The following AGR3 variants were observed in gnomAD, a reference collection of about 807,000 sequenced individuals.
AGR3 encodes anterior gradient protein 3.
A neutral mutation model predicts 24.5 loss-of-function variants in AGR3; 37 were observed. The ratio of observed to expected loss-of-function variants is 1.51; its 90% CI spans 1.16 to 1.99. The LOEUF is 1.99. Ranked by LOEUF, AGR3 falls within the 30% of genes most tolerant of loss-of-function variation. The probability of loss-of-function intolerance (pLI) is 0.00; values close to 1 mark genes in which losing one functional copy is unlikely to be tolerated. For missense variants in AGR3, 228 were observed against 191.1 expected (o/e 1.19, Z -1.14); for synonymous variants, 75 against 61.6 (o/e 1.22, Z -1.02).
chr7:16,859,387 C>T, downstream of AGR3: 1 of 493,488 alleles, frequency 2.0e-6, no homozygotes, highest in East Asian at 3.8e-5. Context: ...ACTGATGAGG[C>T]AGAAATAAAA....
intron 3 of AGR3, chr7:16,865,844 C>A (rs998807064): frequency 1.4e-6 from 1 of 740,344 alleles, no homozygotes; most frequent in Non-Finnish European, 2.5e-6. Context: ...TACTTGAATA[C>A]CATTCTCCTT....
intron 7 of AGR3, 143 bp from the exon 8 acceptor site, chr7:16,859,774 C>T: frequency 3.7e-6 from 2 of 536,666 alleles, no homozygotes; most frequent in South Asian, 5.6e-5. Context: ...AAAGAATATG[C>T]TAAAAGTGTA....
intron 1 of AGR3, among the ~76,000 whole-genome samples, chr7:16,879,190 T>C (rs1342877722): frequency 6.6e-6 from 1 of 152,254 alleles, no homozygotes; most frequent in Non-Finnish European, 1.5e-5. Context: ...TTTCTTACCT[T>C]TCTCATCCTT....
At chr7:16,867,829 T>G (rs757969574) in intron 3 of AGR3, among the ~76,000 whole-genome samples, 2 of 152,154 alleles carry the variant, frequency 1.3e-5, no homozygotes, top group Non-Finnish European at 2.9e-5. Context: ...AACATGGGAG[T>G]GCAGATATCT....
intron 1 of AGR3, among the ~76,000 whole-genome samples, chr7:16,880,108 T>TTCTTTCC (rs1562553551): frequency 2.4e-4 from 33 of 135,752 alleles, no homozygotes; most frequent in Non-Finnish European, 4.0e-4. Flanking sequence ...TCCTTCCTTC[T>TTCTTTCC]TTCCTTCCTT....
intron 2 of AGR3, among the ~76,000 whole-genome samples, chr7:16,878,125 T>A (rs1782025951): frequency 6.6e-6 from 1 of 151,858 alleles, no homozygotes; most frequent in Admixed American, 6.6e-5. Context: ...AATTTTTTTT[T>A]TTTTGGAGGA....
intron 3 of AGR3, among the ~76,000 whole-genome samples, chr7:16,868,156 G>T (rs1781796291): frequency 7.1e-6 from 1 of 140,934 alleles, no homozygotes; most frequent in Non-Finnish European, 1.6e-5. Context: ...TTGGCCCTTT[G>T]TATGTCTTTT....
At chr7:16,857,865 A>G (rs552397062), downstream of AGR3, among the ~76,000 whole-genome samples, 17 of 152,300 alleles carry the variant, frequency 1.1e-4, no homozygotes, top group African/African-American at 3.6e-4. Flanking sequence ...ACAGGTGTCT[A>G]TATCATAGAC....
intron 3 of AGR3, among the ~76,000 whole-genome samples, chr7:16,870,370 C>T (rs991707311): frequency 6.6e-6 from 1 of 151,454 alleles, no homozygotes; most frequent in African/African-American, 2.4e-5. Flanking sequence ...CTTTTCCTTT[C>T]TACATTTTCT....
chr7:16,866,183 C>G (rs999978871), intron 3 of AGR3: 1 of 529,190 alleles, frequency 1.9e-6, no homozygotes, highest in Non-Finnish European at 3.8e-6. Context: ...TTGAGTTATT[C>G]ACACCTAATG....
chr7:16,871,641 G>A (rs1422523160), intron 3 of AGR3, among the ~76,000 whole-genome samples: 73 of 152,230 alleles, frequency 4.8e-4, no homozygotes, highest in Non-Finnish European at 1.2e-4. Flanking sequence ...TCAAGAGTTC[G>A]AGACCAGCCT....
chr7:16,881,491 A>C (rs1234912001), intron 1 of AGR3, among the ~76,000 whole-genome samples: 1 of 152,218 alleles, frequency 6.6e-6, no homozygotes, highest in Non-Finnish European at 1.5e-5. Flanking sequence ...GCATGGTTAC[A>C]GGCCTACAGC....
intron 3 of AGR3, among the ~76,000 whole-genome samples, chr7:16,863,768 C>T (rs1228426698): frequency 6.6e-6 from 1 of 151,752 alleles, no homozygotes; most frequent in Admixed American, 6.6e-5. Context: ...ATTAGTCTCC[C>T]CAAAGATGGA....
intron 1 of AGR3, among the ~76,000 whole-genome samples, chr7:16,881,658 C>G (rs922800222): frequency 5.9e-5 from 9 of 152,010 alleles, no homozygotes; most frequent in African/African-American, 2.2e-4. Flanking sequence ...TAAAATAAAA[C>G]AAGACTTAAA....
chr7:16,873,700 C>G (rs1781927859), intron 3 of AGR3, 80 bp downstream of exon 3: 7 of 1,105,092 alleles, frequency 6.3e-6, no homozygotes, highest in African/African-American at 6.3e-5. Context: ...CAGCATATCA[C>G]TCTATATTCC....
intron 7 of AGR3, 59 bp from the exon 8 acceptor site, chr7:16,859,690 T>G (rs1781604418): frequency 3.6e-6 from 4 of 1,118,140 alleles, no homozygotes; most frequent in Non-Finnish European, 5.0e-6. Context: ...AATGCTATGA[T>G]CTATTAACTC....
intron 2 of AGR3, among the ~76,000 whole-genome samples, chr7:16,878,209 G>A (rs1042557460): frequency 5.9e-5 from 9 of 151,754 alleles, no homozygotes; most frequent in Non-Finnish European, 7.4e-5. Flanking sequence ...CCAATATGAC[G>A]CAGCAATCAA....
chr7:16,864,809 C>T lies in AGR3; in HGVS notation c.174-2147G>A, dbSNP rs1047217106. 7.6e-6 allele frequency: 7 copies of T among 915,130 alleles called. No homozygotes were observed. The Admixed American group carries it at 8.5e-5, about 11-fold the overall frequency. The allele number at this position is 915,130 out of a possible 1,614,324, so 56.7% of individuals were successfully genotyped here. A position where few individuals can be genotyped will look rare whatever the true frequency, so the allele number is the denominator to read the frequency against. ...CCGGCTTTGTTGGAATGTATCACAC[C>T]TCTTGTAGCTATAGATGTCCTATAT... On this transcript the variant is annotated intron_variant, in intron 3 of 7. Transcript: ENST00000310398.
chr7:16,878,449 C>T (rs1201176092), intron 2 of AGR3, 61 bp downstream of exon 2: 2 of 1,427,224 alleles, frequency 1.4e-6, no homozygotes, highest in Non-Finnish European at 2.0e-6. Context: ...GTGAAGACAC[C>T]AGATATTTTA....
Sources: allele counts gnomAD v4.1 joint callset (sites outside exome capture counted in the v4.1 genomes callset), GRCh38; gene constraint gnomAD v4.1.1; transcripts MANE v1.5; gene names NCBI Gene and HGNC (gene_info 2026-07-23, HGNC 2026-07-21).